Variants in KLHL28 observed in about 807,000 individuals in gnomAD.
KLHL28 encodes the protein kelch-like protein 28.
Under a neutral mutation model 48.3 loss-of-function variants are expected in KLHL28, and 22 were observed. The ratio of observed to expected loss-of-function variants is 0.46; its 90% confidence interval spans 0.33 to 0.65. KLHL28 has a LOEUF of 0.65. Ranked by LOEUF, KLHL28 falls within the 30% of genes least tolerant of loss-of-function variation. The pLI, the probability that KLHL28 is intolerant of heterozygous loss-of-function variation, is 0.03. For missense variants in KLHL28, 527 were observed against 704.3 expected, an observed-to-expected ratio of 0.75 and a Z score of 2.85; for synonymous variants, 243 against 242.4, an observed-to-expected ratio of 1.00 and a Z score of -0.02.
chr14:44,943,953 G>T (rs561986089), intron 2 of KLHL28, among the ~76,000 whole-genome samples: 4 of 152,130 alleles, frequency 2.6e-5, no homozygotes, highest in African/African-American at 9.6e-5. Flanking sequence ...AGTCTCAAGT[G>T]ATCCTCCTGT....
At position 44,928,694 on chromosome 14, in the gene KLHL28, A is replaced by T. The variant is rs927857955; in HGVS notation, c.*334T>A. The stretch of plus-strand genomic sequence containing the variant: ...GAAGGAGAGCTAAAATAAAAAAAAA[A>T]AAAAAAAAAAAGCAGCCACGTTTTG... On this transcript the variant is annotated 3_prime_UTR_variant, in exon 5 of 5. Transcript: ENST00000396128. 10 of 160,132 alleles carry T rather than the reference A, an allele frequency of 6.2e-5. No homozygotes were observed. Among genetic ancestry groups the T allele is most frequent in the Admixed American group, 1.3e-4 (2 of 15,612 alleles). 9.9% of individuals were successfully genotyped at this position (160,132 alleles called of 1,614,324 possible).
chr14:44,939,030 C>A (rs1281291124), intron 2 of KLHL28, among the ~76,000 whole-genome samples: 2 of 152,170 alleles, frequency 1.3e-5, no homozygotes, highest in Admixed American at 1.3e-4. Flanking sequence ...TAGCCATGCC[C>A]CCATAACTCT....
intron 2 of KLHL28, among the ~76,000 whole-genome samples, chr14:44,938,457 C>T (rs748405799): frequency 1.5e-4 from 23 of 151,846 alleles, no homozygotes; most frequent in African/African-American, 2.4e-4. Context: ...CTGCAAGCTC[C>T]GCCTCCCGGG....
rs150835238 is a variant in KLHL28, at chr14:44,934,199, G to A, written c.1259C>T (p.Thr420Met). The A allele has an allele frequency of 5.9e-5, 96 of 1,614,022 alleles. No individual in the cohort carries two copies. The African/African-American group carries it at 6.4e-4, about 11-fold the overall frequency. Residue 420 changes from threonine to methionine, a missense_variant, in exon 3 of 5, where the codon ACG (threonine) becomes ATG (methionine). Thr to Met is a moderately conservative substitution (Grantham distance 81). Transcript: ENST00000396128. ...TGCAGCAAAACAACTTCTTGTTGTC[G>A]TCATTGGTGCCACAGGTTGCCATTT... ...IRKWQPVAPM[T>M]TTRSCFAAAV...
rs7151557 is a variant in KLHL28 at position 44,926,663 on chromosome 14, T to C, written c.*2365A>G. ...CTGGGATTACAGGTACCTGCCACAA[T>C]GCCCAGCTAATTTTTTGTATTTTTA... On this transcript the variant is annotated 3_prime_UTR_variant, in exon 5 of 5. Transcript: ENST00000396128. 24,775 of 152,028 alleles carry C rather than the reference T, an allele frequency of 0.16. 3,783 individuals are homozygous for C. The highest frequency in any genetic ancestry group is 0.41 in the African/African-American group (16,839 of 41,386). 9.4% of individuals were successfully genotyped at this position (152,028 alleles called of 1,614,324 possible). A position where few individuals can be genotyped will look rare whatever the true frequency, so the allele number is the denominator to read the frequency against.
rs1408287084 is a variant in KLHL28, at chr14:44,927,705, A to G, written c.*1323T>C. The G allele has an allele frequency of 6.6e-6, 1 of 152,644 alleles. No individual in the cohort carries two copies. Among genetic ancestry groups the G allele is most frequent in the Non-Finnish European group, 1.5e-5 (1 of 68,010 alleles). 9.5% of individuals were successfully genotyped at this position (152,644 alleles called of 1,614,324 possible). The stretch of plus-strand genomic sequence containing the variant: ...TCAAAGTAGAACTCAACTTAGAACT[A>G]TTACTCAAGTAAACATCGAGTTCCA... On this transcript the variant is annotated 3_prime_UTR_variant, in exon 5 of 5. Transcript: ENST00000396128.
intron 2 of KLHL28, among the ~76,000 whole-genome samples, chr14:44,936,335 A>T (rs1225039255): frequency 6.6e-6 from 1 of 152,138 alleles, no homozygotes; most frequent in African/African-American, 2.4e-5. Context: ...CAGAGGGAGA[A>T]GATGATGATA....
intron 2 of KLHL28, among the ~76,000 whole-genome samples, chr14:44,938,468 T>C (rs927722318): frequency 1.3e-5 from 2 of 151,040 alleles, no homozygotes; most frequent in African/African-American, 4.9e-5. Context: ...GCCTCCCGGG[T>C]TCACACCATT....
At chr14:44,946,642 T>C (rs562404523) in intron 1 of KLHL28, among the ~76,000 whole-genome samples, 1 of 151,056 alleles carries the variant, frequency 6.6e-6, no homozygotes, top group Non-Finnish European at 1.5e-5. Context: ...CTGCAACCTC[T>C]GCCTCCTAGC....
intron 2 of KLHL28, among the ~76,000 whole-genome samples, chr14:44,937,110 A>G (rs1883857438): frequency 2.6e-5 from 4 of 151,622 alleles, no homozygotes; most frequent in African/African-American, 7.3e-5. Context: ...CTTAAGACTT[A>G]GTGTCAGAAT....
At chr14:44,930,428 C>T (rs1021373538) in intron 4 of KLHL28, among the ~76,000 whole-genome samples, 26 of 152,072 alleles carry the variant, frequency 1.7e-4, no homozygotes, top group African/African-American at 5.8e-4. Context: ...CCGCACCAGG[C>T]TAATTTTTCA....
At chr14:44,953,566 A>C (rs1444191427) in intron 1 of KLHL28, 1 of 152,460 alleles carries the variant, frequency 6.6e-6, no homozygotes, top group Non-Finnish European at 1.5e-5. Context: ...TAGCACACTC[A>C]CAGCCCCCTC....
intron 2 of KLHL28, among the ~76,000 whole-genome samples, chr14:44,937,363 G>T (rs1224016781): frequency 6.6e-6 from 1 of 151,972 alleles, no homozygotes; most frequent in Non-Finnish European, 1.5e-5. Flanking sequence ...TGGCCAGGCT[G>T]GTCTCGAACT....
chr14:44,953,057 T>C (rs2138658950), intron 1 of KLHL28, among the ~76,000 whole-genome samples: 1 of 152,306 alleles, frequency 6.6e-6, no homozygotes, highest in Middle Eastern at 3.4e-3. Context: ...AACATTCTCA[T>C]TTGTAAAATT....
chr14:44,934,529 G>C lies in KLHL28; in HGVS notation c.929C>G (p.Ser310Cys), dbSNP rs376857549. ...SVEMYFPQNDSWIGLAPLNIP... is the reference protein window; with the variant it reads ...SVEMYFPQNDCWIGLAPLNIP... ...GTTTAGGGGTGCCAAACCAATCCAA[G>C]AGTCATTCTGAGGAAAGTACATCTC... is the stretch of plus-strand genomic sequence containing the variant. Residue 310 changes from serine to cysteine, a missense_variant, in exon 3 of 5, where the codon TCT becomes TGT. By Grantham distance (112) the Ser-to-Cys change is moderately radical. Transcript: ENST00000396128. 1.2e-5 allele frequency: 19 copies of C among 1,597,094 alleles called. No homozygotes were observed. Among genetic ancestry groups the C allele is most frequent in the Middle Eastern group, 1.7e-4 (1 of 5,970 alleles).
intron 1 of KLHL28, chr14:44,959,612 C>A (rs1481713613): frequency 2.0e-5 from 3 of 152,058 alleles, no homozygotes; most frequent in Admixed American, 2.0e-4. Context: ...GTTTTTAGGG[C>A]AATTGTGTTT....
chr14:44,945,076 G>A lies in KLHL28; in HGVS notation c.853C>T (p.Leu285Phe). 1.9e-6 allele frequency: 3 copies of A among 1,613,768 alleles called. No homozygotes were observed. Among genetic ancestry groups the A allele is most frequent in the Non-Finnish European group, 2.5e-6 (3 of 1,179,692 alleles). Residue 285 changes from leucine to phenylalanine, a missense_variant, in exon 2 of 5, where the codon CTT (leucine) becomes TTT (phenylalanine). Leu to Phe is a conservative substitution (Grantham distance 22). Transcript: ENST00000396128. ...MTRPRCAPKV[L>F]CAVGGKSGLF... ...CCAGATTTCCCTCCTACTGCACAAA[G>A]TACTTTGGGAGCACAGCGAGGTCGT...
chr14:44,928,957 A>T lies in KLHL28; in HGVS notation c.*71T>A. ...AAGCAATGCAGCTTGTGGGTTTCAG[A>T]AAACTGGGCCATCCGGATGTTCATG... On this transcript the variant is annotated 3_prime_UTR_variant, in exon 5 of 5. Coordinates refer to ENST00000396128, the MANE Select transcript of KLHL28 (RefSeq NM_017658.5). The T allele has an allele frequency of 7.0e-7, 1 of 1,425,112 alleles. No individual in the cohort carries two copies. The highest frequency in any genetic ancestry group is 9.6e-7 in the Non-Finnish European group (1 of 1,036,446). 88.3% of individuals were successfully genotyped at this position (1,425,112 alleles called of 1,614,324 possible).
At chr14:44,934,983 G>C (rs778232096) in intron 2 of KLHL28, among the ~76,000 whole-genome samples, 28 of 152,124 alleles carry the variant, frequency 1.8e-4, no homozygotes, top group Admixed American at 6.6e-4. Flanking sequence ...TGTCCTGTCT[G>C]AGCAACTCTA....
Sources: gnomAD v4.1 joint callset for allele counts (sites outside exome capture counted in the v4.1 genomes callset) on GRCh38, gnomAD v4.1.1 for gene constraint, MANE v1.5 for transcripts, NCBI Gene and HGNC (gene_info 2026-07-23, HGNC 2026-07-21) for gene names.